NRG3: variants seen among roughly 807,000 people sequenced by gnomAD.
NRG3 encodes pro-neuregulin-3, membrane-bound isoform.
NRG3 carries 31 observed loss-of-function variants against 66.9 expected under a neutral mutation model. That is an observed-to-expected ratio of 0.46 (90% confidence interval 0.35 to 0.63). The LOEUF is 0.63. Ranked by LOEUF, NRG3 falls within the 20% of genes least tolerant of loss-of-function variation. The probability of loss-of-function intolerance (pLI) is 0.00; values close to 1 mark genes in which losing one functional copy is unlikely to be tolerated. For missense variants in NRG3, 910 were observed against 878.9 expected (o/e 1.04, Z -0.45); for synonymous variants, 393 against 359.4 (o/e 1.09, Z -1.06).
At chr10:82,762,584 C>T (rs535356532) in intron 3 of NRG3, among the ~76,000 whole-genome samples, 30 of 152,056 alleles carry the variant, frequency 2.0e-4, no homozygotes, top group African/African-American at 2.7e-4. Context: ...TCAGTTCTTC[C>T]GTATACATAT....
chr10:82,979,658 T>C (rs1028023976), intron 8 of NRG3, among the ~76,000 whole-genome samples: 38 of 152,190 alleles, frequency 2.5e-4, no homozygotes, highest in African/African-American at 8.4e-4. Context: ...TTGGACACCA[T>C]TGCTGCTACT....
chr10:82,419,357 G>A (rs2088884362), intron 2 of NRG3, among the ~76,000 whole-genome samples: 1 of 152,000 alleles, frequency 6.6e-6, no homozygotes, highest in Non-Finnish European at 1.5e-5. Flanking sequence ...TCAAATGCAA[G>A]GTCTTGCTTA....
rs557135118 is a variant in NRG3 at position 82,720,208 on chromosome 10, G to A, written c.954-18369G>A. Among the ~76,000 whole-genome samples, 256 of 152,220 alleles carry A rather than the reference G, an allele frequency of 1.7e-3. 1 individual carries two copies. The highest frequency in any genetic ancestry group is 3.1e-3 in the Non-Finnish European group (213 of 68,016). The stretch of plus-strand genomic sequence containing the variant: ...GGTTCAAGACCAGCCTGGCCAACAT[G>A]GCAAAACCCCATCTCTACTAAAAAT... On this transcript the variant is annotated intron_variant, in intron 2 of 8. Coordinates refer to ENST00000372141, the MANE Select transcript of NRG3 (RefSeq NM_001010848.4).
chr10:82,116,343 T>C (rs2067716992), intron 1 of NRG3, among the ~76,000 whole-genome samples: 1 of 152,180 alleles, frequency 6.6e-6, no homozygotes, highest in Non-Finnish European at 1.5e-5. Context: ...TATTAATTCT[T>C]AAACAGCGCT....
chr10:82,596,661 C>G (rs1398675584), intron 2 of NRG3, among the ~76,000 whole-genome samples: 2 of 152,096 alleles, frequency 1.3e-5, no homozygotes, highest in African/African-American at 4.8e-5. Flanking sequence ...ATGTTTTTAC[C>G]TAGTAAAAGA....
intron 2 of NRG3, among the ~76,000 whole-genome samples, chr10:82,619,630 A>T (rs1322077592): frequency 3.3e-5 from 5 of 152,174 alleles, no homozygotes; most frequent in Admixed American, 2.0e-4. Flanking sequence ...TGAAGTCCTA[A>T]TCTCCAGTGC....
At chr10:81,886,304 C>T (rs1371560427) in intron 1 of NRG3, among the ~76,000 whole-genome samples, 1 of 152,146 alleles carries the variant, frequency 6.6e-6, no homozygotes, top group Non-Finnish European at 1.5e-5. Context: ...GCTCCCAAAC[C>T]TGTTTATGCT....
intron 3 of NRG3, among the ~76,000 whole-genome samples, chr10:82,838,113 GA>G (rs60875843): frequency 5.7e-4 from 87 of 152,256 alleles, no homozygotes; most frequent in African/African-American, 2.1e-3. Flanking sequence ...CTCTTTGGAG[GA>G]GTAACTTTGG....
chr10:81,882,729 T>A (rs1348095871), intron 1 of NRG3, among the ~76,000 whole-genome samples: 1 of 152,190 alleles, frequency 6.6e-6, no homozygotes, highest in Admixed American at 6.5e-5. Context: ...TGGAGCTGGT[T>A]TGTTACCTAG....
At chr10:82,420,185 T>G (rs2088956693) in intron 2 of NRG3, among the ~76,000 whole-genome samples, 1 of 152,128 alleles carries the variant, frequency 6.6e-6, no homozygotes, top group Non-Finnish European at 1.5e-5. Flanking sequence ...TTTTTCGTGC[T>G]TCAATTAGCC....
intron 1 of NRG3, among the ~76,000 whole-genome samples, chr10:81,909,612 G>T (rs1844928820): frequency 6.6e-6 from 1 of 152,178 alleles, no homozygotes; most frequent in Non-Finnish European, 1.5e-5. Flanking sequence ...CATCACTACA[G>T]AGTAACAACA....
chr10:81,878,074 G>T, intron 1 of NRG3: 3 of 1,534,788 alleles, frequency 2.0e-6, no homozygotes, highest in Non-Finnish European at 2.6e-6. Context: ...CCATTCCGGA[G>T]GTCTTTAAAG....
intron 1 of NRG3, among the ~76,000 whole-genome samples, chr10:82,073,578 G>C (rs2064925348): frequency 6.6e-6 from 1 of 152,010 alleles, no homozygotes; most frequent in Non-Finnish European, 1.5e-5. Flanking sequence ...TTCCCTATTA[G>C]ATCATATAGG....
intron 1 of NRG3, among the ~76,000 whole-genome samples, chr10:82,261,191 TG>T (rs945920533): frequency 6.6e-6 from 1 of 152,092 alleles, no homozygotes; most frequent in Non-Finnish European, 1.5e-5. Flanking sequence ...AATTGAATCA[TG>T]GGGGTGGTTT....
At chr10:82,134,191 T>G (rs2132551704) in intron 1 of NRG3, among the ~76,000 whole-genome samples, 1 of 152,300 alleles carries the variant, frequency 6.6e-6, no homozygotes, top group Middle Eastern at 3.4e-3. Flanking sequence ...TTGCAAAAAT[T>G]TACTCCCATT....
At chr10:82,655,782 T>A (rs1469362186) in intron 2 of NRG3, among the ~76,000 whole-genome samples, 1 of 152,210 alleles carries the variant, frequency 6.6e-6, no homozygotes, top group African/African-American at 2.4e-5. Flanking sequence ...CAGAATATTA[T>A]GTGACTATTA....
intron 2 of NRG3, among the ~76,000 whole-genome samples, chr10:82,537,822 G>C (rs1381392935): frequency 1.3e-5 from 2 of 151,956 alleles, no homozygotes; most frequent in Non-Finnish European, 2.9e-5. Flanking sequence ...TAAATCAAGG[G>C]GTTTAGACTG....
rs76214285 is a variant in NRG3 at position 81,998,115 on chromosome 10, A to G, written c.823+121952A>G. On this transcript the variant is annotated intron_variant, in intron 1 of 8. Coordinates refer to ENST00000372141, the MANE Select transcript of NRG3 (RefSeq NM_001010848.4). ...GAAGTTTGAAGCTCCGCACTCTCAA[A>G]GAGCTTGACAGTTGCAAGGATATTT... Among the ~76,000 whole-genome samples, 873 of 152,228 alleles carry G rather than the reference A, an allele frequency of 5.7e-3. 11 individuals carry two copies. Among genetic ancestry groups the G allele is most frequent in the East Asian group, 0.039 (201 of 5,152 alleles).
chr10:82,479,534 A>C (rs556723087), intron 2 of NRG3, among the ~76,000 whole-genome samples: 2 of 145,222 alleles, frequency 1.4e-5, no homozygotes, highest in Admixed American at 1.4e-4. Context: ...GTGGTGATGC[A>C]TGCCTGTAAT....
Sources: allele counts gnomAD v4.1 joint callset (sites outside exome capture counted in the v4.1 genomes callset), GRCh38; gene constraint gnomAD v4.1.1; transcripts MANE v1.5; gene names NCBI Gene and HGNC (gene_info 2026-07-23, HGNC 2026-07-21).